The following RYR2 variants were observed in gnomAD, a reference collection of about 807,000 sequenced individuals.
The protein encoded by RYR2 is cardiac muscle ryanodine receptor-calcium release channel.
A neutral mutation model predicts 601.1 loss-of-function variants in RYR2; 227 were observed. The observed-to-expected ratio is 0.38, with a 90% CI of 0.34 to 0.42. The LOEUF (loss-of-function observed/expected upper bound fraction) is 0.42, where lower values mean the gene tolerates loss of function less well. Ranked by LOEUF, RYR2 falls within the 10% of genes least tolerant of loss-of-function variation. The probability of loss-of-function intolerance (pLI) is 1.00; values close to 1 mark genes in which losing one functional copy is unlikely to be tolerated. For synonymous variants in RYR2, 2,223 were observed against 2,175.1 expected, an observed-to-expected ratio of 1.02 and a Z score of -0.61; for missense variants, 4,646 against 6,156.5, an observed-to-expected ratio of 0.75 and a Z score of 8.21.
chr1:237,256,958 C>T (rs952060468), intron 1 of RYR2, among the ~76,000 whole-genome samples: 1 of 152,158 alleles, frequency 6.6e-6, no homozygotes, highest in Non-Finnish European at 1.5e-5. Context: ...CATCCCACTC[C>T]TCCATTCAAA....
At chr1:237,081,321 T>C (rs1004562577) in intron 1 of RYR2, among the ~76,000 whole-genome samples, 5 of 148,692 alleles carry the variant, frequency 3.4e-5, no homozygotes, top group African/African-American at 1.2e-4. Context: ...AACAAAGGTC[T>C]GAGCTACGGA....
chr1:237,691,222 T>G (rs1005792860), intron 63 of RYR2, among the ~76,000 whole-genome samples: 6 of 152,164 alleles, frequency 3.9e-5, no homozygotes, highest in African/African-American at 1.4e-4. Flanking sequence ...TAAGACAGAA[T>G]TGAAAGTTGA....
chr1:237,789,085 G>A (rs949427743), intron 92 of RYR2, among the ~76,000 whole-genome samples: 1 of 151,644 alleles, frequency 6.6e-6, no homozygotes, highest in African/African-American at 2.4e-5. Flanking sequence ...TATAAGGGAG[G>A]AAAAGGATAG....
intron 12 of RYR2, among the ~76,000 whole-genome samples, chr1:237,425,859 A>C (rs111480002): frequency 1.3e-3 from 205 of 152,264 alleles, no homozygotes; most frequent in African/African-American, 4.8e-3. Flanking sequence ...TCAACTGTAC[A>C]TTACAAAATA....
chr1:237,273,137 G>A (rs897833416), intron 2 of RYR2, among the ~76,000 whole-genome samples: 1 of 151,938 alleles, frequency 6.6e-6, no homozygotes, highest in Admixed American at 6.6e-5. Context: ...ATCAGTGGGA[G>A]CCCTGAGCTT....
At chr1:237,705,728 A>C (rs1049983068) in intron 67 of RYR2, among the ~76,000 whole-genome samples, 1 of 152,198 alleles carries the variant, frequency 6.6e-6, no homozygotes, top group African/African-American at 2.4e-5. Context: ...CCACCAAGTT[A>C]GGGCATGCTC....
chr1:237,608,823 A>G (rs933130954), intron 35 of RYR2, among the ~76,000 whole-genome samples: 12 of 137,262 alleles, frequency 8.7e-5, no homozygotes, highest in African/African-American at 3.2e-4. Context: ...TTTTTTTTAC[A>G]AAATTGGACA....
intron 100 of RYR2, among the ~76,000 whole-genome samples, chr1:237,816,622 G>A (rs532453985): frequency 6.6e-6 from 1 of 152,084 alleles, no homozygotes; most frequent in South Asian, 2.1e-4. Context: ...CCAGGAGGCG[G>A]AGGTTGCAGT....
intron 1 of RYR2, among the ~76,000 whole-genome samples, chr1:237,155,179 C>CTTTTTT (rs11412062): frequency 6.3e-5 from 8 of 127,628 alleles, no homozygotes; most frequent in African/African-American, 8.7e-5. Context: ...TTTTTCTTTT[C>CTTTTTT]TTTTTTTTTT....
At chr1:237,307,059 A>T (rs59608377) in intron 2 of RYR2, among the ~76,000 whole-genome samples, 2 of 152,164 alleles carry the variant, frequency 1.3e-5, no homozygotes. Context: ...TTTCTCCATT[A>T]TATGTCCTCT....
At chr1:237,555,511 G>T (rs1364602507) in intron 27 of RYR2, among the ~76,000 whole-genome samples, 4 of 152,086 alleles carry the variant, frequency 2.6e-5, no homozygotes, top group Non-Finnish European at 5.9e-5. Flanking sequence ...ATTTCCCCAG[G>T]TTTTCATTAC....
intron 60 of RYR2, among the ~76,000 whole-genome samples, chr1:237,676,635 T>C (rs1685423599): frequency 6.6e-6 from 1 of 152,214 alleles, no homozygotes; most frequent in African/African-American, 2.4e-5. Context: ...CTTTCATTGT[T>C]ATCGCAAGTG....
At chr1:237,157,295 C>CAAAAAAAAA (rs33922740) in intron 1 of RYR2, among the ~76,000 whole-genome samples, 36 of 63,500 alleles carry the variant, frequency 5.7e-4, no homozygotes, top group Non-Finnish European at 7.2e-4. Flanking sequence ...GACTCCATCT[C>CAAAAAAAAA]AAAAAAAAAA....
intron 3 of RYR2, among the ~76,000 whole-genome samples, chr1:237,352,591 G>T (rs2149678066): frequency 6.6e-6 from 1 of 152,222 alleles, no homozygotes; most frequent in South Asian, 2.1e-4. Flanking sequence ...GTGCATGAAA[G>T]TTGGAAAAGC....
At chr1:237,589,141 C>A (rs1036747035) in intron 29 of RYR2, among the ~76,000 whole-genome samples, 4 of 152,106 alleles carry the variant, frequency 2.6e-5, no homozygotes, top group Non-Finnish European at 2.9e-5. Flanking sequence ...TATAAATGTA[C>A]CTCATTCATG....
At chr1:237,116,684 A>C (rs573125982) in intron 1 of RYR2, among the ~76,000 whole-genome samples, 1 of 152,238 alleles carries the variant, frequency 6.6e-6, no homozygotes, top group African/African-American at 2.4e-5. Context: ...ATAATAATTC[A>C]GTTGGAGTCT....
chr1:237,330,306 A>G (rs944687230), intron 2 of RYR2, among the ~76,000 whole-genome samples: 17 of 152,256 alleles, frequency 1.1e-4, no homozygotes, highest in African/African-American at 4.1e-4. Context: ...GGCAATGCGT[A>G]TCAGAGTAAG....
Position 237,819,650 on chromosome 1 carries a change from C to G in RYR2, c.14590+458C>G, listed in dbSNP as rs1177676008. On this transcript the variant is annotated intron_variant, in intron 101 of 104. Coordinates refer to ENST00000366574, the MANE Select transcript of RYR2 (RefSeq NM_001035.3). This position sits in a 1 kb window ranked among gnomAD's most constrained non-coding sequence, Gnocchi z 4.0. The stretch of plus-strand genomic sequence containing the variant: ...GCCTGACCAACATGGTAAACCCCAT[C>G]TCTACTAAAAATACAAAACTAGCCA... Among the ~76,000 whole-genome samples, 1 of 151,960 alleles carries G rather than the reference C, an allele frequency of 6.6e-6. No homozygotes were observed. Among genetic ancestry groups the G allele is most frequent in the Non-Finnish European group, 1.5e-5 (1 of 68,010 alleles).
At chr1:237,353,432 C>A (rs901163039) in intron 3 of RYR2, among the ~76,000 whole-genome samples, 1 of 150,798 alleles carries the variant, frequency 6.6e-6, no homozygotes, top group Non-Finnish European at 1.5e-5. Context: ...TCGCTTGAAC[C>A]CAGGAGGCGG....
Sources: gnomAD v4.1 joint callset for allele counts (sites outside exome capture counted in the v4.1 genomes callset) on GRCh38, gnomAD v4.1.1 for gene constraint, Gnocchi (gnomAD v3.1) non-coding constraint, MANE v1.5 for transcripts, NCBI Gene and HGNC (gene_info 2026-07-23, HGNC 2026-07-21) for gene names.